The following CCDC158 variants were observed in gnomAD, a reference collection of about 807,000 sequenced individuals.
CCDC158 encodes coiled-coil domain containing 158, also known as coiled-coil domain-containing protein 158.
Under a neutral mutation model 138.6 loss-of-function variants are expected in CCDC158, and 116 were observed. The ratio of observed to expected loss-of-function variants is 0.84; its 90% CI spans 0.72 to 0.98. CCDC158 has a LOEUF of 0.98. Among genes scored for constraint, CCDC158 ranks in the 50% least tolerant of loss-of-function variants. The probability of loss-of-function intolerance (pLI) is 0.00; values close to 1 mark genes in which losing one functional copy is unlikely to be tolerated. For synonymous variants in CCDC158, 436 were observed against 442.4 expected, an observed-to-expected ratio of 0.99 and a Z score of 0.18; for missense variants, 1,265 against 1,306.1, an observed-to-expected ratio of 0.97 and a Z score of 0.48.
chr4:76,350,212 G>A (rs915194827), intron 18 of CCDC158, among the ~76,000 whole-genome samples: 2 of 152,242 alleles, frequency 1.3e-5, no homozygotes, highest in African/African-American at 4.8e-5. Context: ...TTGTTTGATA[G>A]ACTACTCTTT....
chr4:76,371,108 T>C (rs867711634), intron 10 of CCDC158, among the ~76,000 whole-genome samples: 9 of 152,346 alleles, frequency 5.9e-5, no homozygotes, highest in Middle Eastern at 3.4e-3. Context: ...TTTTGAATGT[T>C]ATTTGGCCTT....
At chr4:76,419,867 A>T (rs1329818595) in intron 1 of CCDC158, among the ~76,000 whole-genome samples, 5 of 150,182 alleles carry the variant, frequency 3.3e-5, no homozygotes, top group African/African-American at 1.2e-4. Flanking sequence ...ATTTGGGGCC[A>T]TCTAGCTGGG....
At chr4:76,413,602 C>A (rs774868569) in intron 1 of CCDC158, among the ~76,000 whole-genome samples, 3 of 151,938 alleles carry the variant, frequency 2.0e-5, no homozygotes, top group Non-Finnish European at 4.4e-5. Context: ...AAGACTAGAG[C>A]ACCCTGAATA....
chr4:76,352,186 C>A (rs1723107639), intron 16 of CCDC158: 1 of 160,520 alleles, frequency 6.2e-6, no homozygotes, highest in South Asian at 1.8e-4. Flanking sequence ...AGGCAGATCA[C>A]GAGGTCAAGA....
chr4:76,385,267 A>G (rs28458989), intron 4 of CCDC158, among the ~76,000 whole-genome samples: 3,797 of 152,262 alleles, frequency 0.025, 151 homozygotes, highest in African/African-American at 0.087. Context: ...TAAACAGAAA[A>G]CCAAAAACCA....
At chr4:76,409,346 A>AG (rs1338077660) in intron 2 of CCDC158, among the ~76,000 whole-genome samples, 2 of 148,594 alleles carry the variant, frequency 1.3e-5, no homozygotes, top group East Asian at 3.9e-4. Context: ...AAAATTGTTA[A>AG]AAAAAAAACT....
chr4:76,321,018 A>C (rs1719944360), intron 24 of CCDC158, among the ~76,000 whole-genome samples: 1 of 152,248 alleles, frequency 6.6e-6, no homozygotes, highest in East Asian at 1.9e-4. Context: ...TGCATCTGAC[A>C]AAGGACTAAT....
chr4:76,386,318 G>A (rs2109786097), intron 4 of CCDC158, among the ~76,000 whole-genome samples: 1 of 152,342 alleles, frequency 6.6e-6, no homozygotes, highest in African/African-American at 2.4e-5. Flanking sequence ...TCTGGAGGCA[G>A]GGAACATAAG....
At chr4:76,356,262 G>A (rs769855332) in intron 14 of CCDC158, among the ~76,000 whole-genome samples, 6 of 152,108 alleles carry the variant, frequency 3.9e-5, no homozygotes, top group South Asian at 2.1e-4. Flanking sequence ...ACTGTATATT[G>A]ATTTATTAAT....
In CCDC158 at chr4:76,369,430, C is replaced by G; in HGVS notation, c.1343G>C (p.Arg448Pro). The stretch of plus-strand genomic sequence containing the variant: ...ACAGCCTGTGCAGGCACTGACCTGC[C>G]GCTCCATCTGGCCCTGACACTCGCT... ...LKSECQGQME[R>P]QMAAIQGKNE... Residue 448 changes from arginine (R) to proline (P), a missense_variant, in exon 11 of 25, where the codon CGG becomes CCG. By Grantham distance (103) the Arg-to-Pro change is moderately radical. Coordinates refer to ENST00000682701, the MANE Select transcript of CCDC158 (RefSeq NM_001394954.1). 6.2e-7 allele frequency: 1 copy of G among 1,613,958 alleles called. No individual in the cohort carries two copies. Among genetic ancestry groups the G allele is most frequent in the Non-Finnish European group, 8.5e-7 (1 of 1,179,990 alleles).
chr4:76,376,670 T>C (rs993178892), intron 9 of CCDC158, among the ~76,000 whole-genome samples: 8 of 152,200 alleles, frequency 5.3e-5, no homozygotes, highest in Admixed American at 3.3e-4. Context: ...AGCTACACCA[T>C]GTAATTAATG....
intron 18 of CCDC158, among the ~76,000 whole-genome samples, chr4:76,341,970 A>G (rs1722092641): frequency 1.3e-5 from 2 of 152,208 alleles, no homozygotes; most frequent in Non-Finnish European, 2.9e-5. Flanking sequence ...ATAAACATCA[A>G]TCAGCTGTAT....
chr4:76,383,864 A>AT (rs1726514458), intron 6 of CCDC158, 126 bp from the exon 7 acceptor site: 3 of 737,516 alleles, frequency 4.1e-6, no homozygotes. Flanking sequence ...GATACATTCT[A>AT]TCCCCATATT....
chr4:76,367,024 T>C (rs965409306), intron 12 of CCDC158, among the ~76,000 whole-genome samples: 1 of 152,218 alleles, frequency 6.6e-6, no homozygotes, highest in African/African-American at 2.4e-5. Flanking sequence ...GAGAAAATAC[T>C]TTCCTGTGGT....
intron 18 of CCDC158, chr4:76,344,836 A>T (rs936413979): frequency 1.3e-5 from 21 of 1,596,614 alleles, no homozygotes; most frequent in Non-Finnish European, 1.8e-5. Context: ...GGAGAGGGTG[A>T]AGGGTCTATG....
At chr4:76,416,747 G>A (rs2109930270) in intron 1 of CCDC158, among the ~76,000 whole-genome samples, 1 of 152,366 alleles carries the variant, frequency 6.6e-6, no homozygotes, top group South Asian at 2.1e-4. Context: ...CAGGCCTCAA[G>A]AATTGAGGTT....
chr4:76,379,769 C>T (rs1174193996), intron 8 of CCDC158, among the ~76,000 whole-genome samples: 1 of 150,066 alleles, frequency 6.7e-6, no homozygotes, highest in East Asian at 1.9e-4. Flanking sequence ...CACACACACA[C>T]ACACACACAC....
At chr4:76,367,198 G>A in intron 12 of CCDC158, 96 bp downstream of exon 12, 1 of 1,321,004 alleles carries the variant, frequency 7.6e-7, no homozygotes. Context: ...AACAGTTTCA[G>A]AGTGTCCACA....
rs747912028 is a variant in CCDC158, at chr4:76,362,324, A to G, written c.1831-9T>C. 1.3e-5 allele frequency: 20 copies of G among 1,597,760 alleles called. No homozygotes were observed. In the East Asian group the frequency reaches 4.2e-4, roughly 34 times the overall value. On this transcript the variant is annotated splice_polypyrimidine_tract_variant and intron_variant, in intron 12 of 24. Coordinates refer to ENST00000682701, the MANE Select transcript of CCDC158 (RefSeq NM_001394954.1). The stretch of plus-strand genomic sequence containing the variant: ...TTTTTATCTTTTAATATCTAAATAT[A>G]TGGATAAATACAAAGGATAGAGAAG...
Sources: allele counts gnomAD v4.1 joint callset (sites outside exome capture counted in the v4.1 genomes callset), GRCh38; gene constraint gnomAD v4.1.1; transcripts MANE v1.5; gene names NCBI Gene and HGNC (gene_info 2026-07-23, HGNC 2026-07-21).